Variants in SPATA7 observed in about 807,000 individuals in gnomAD.
SPATA7 encodes the protein spermatogenesis-associated protein 7.
SPATA7 carries 43 observed loss-of-function variants against 51.8 expected under a neutral mutation model. The ratio of observed to expected loss-of-function variants is 0.83; its 90% confidence interval spans 0.65 to 1.07. The LOEUF (loss-of-function observed/expected upper bound fraction) is 1.07. Ranked by LOEUF, SPATA7 falls within the 50% of genes least tolerant of loss-of-function variation. SPATA7 has a pLI of 0.00. For missense variants in SPATA7, 683 were observed against 701.3 expected (o/e 0.97, Z 0.30); for synonymous variants, 230 against 252.8 (o/e 0.91, Z 0.86).
At chr14:88,400,424 T>C (rs2076023117) in intron 4 of SPATA7, among the ~76,000 whole-genome samples, 1 of 152,086 alleles carries the variant, frequency 6.6e-6, no homozygotes, top group African/African-American at 2.4e-5. Context: ...AAAAGAAGAA[T>C]AAACTAAGCC....
At chr14:88,421,935 GAGA>G (rs2076656617) in intron 5 of SPATA7, among the ~76,000 whole-genome samples, 2 of 148,232 alleles carry the variant, frequency 1.3e-5, no homozygotes, top group African/African-American at 5.0e-5. Context: ...GCGACAGAGC[GAGA>G]CTCCATCTCA....
chr14:88,401,950 A>G (rs533987129), intron 4 of SPATA7, among the ~76,000 whole-genome samples: 4 of 152,168 alleles, frequency 2.6e-5, no homozygotes, highest in Non-Finnish European at 5.9e-5. Context: ...TAAATTCAAT[A>G]TAGTTTTAGG....
chr14:88,434,727 A>G (rs1243625730), intron 10 of SPATA7, among the ~76,000 whole-genome samples: 2 of 151,926 alleles, frequency 1.3e-5, no homozygotes, highest in Non-Finnish European at 2.9e-5. Context: ...AAAAAACAAG[A>G]TAGATACCCA....
At chr14:88,439,105 G>A (rs2077160502), downstream of SPATA7, among the ~76,000 whole-genome samples, 1 of 152,186 alleles carries the variant, frequency 6.6e-6, no homozygotes, top group African/African-American at 2.4e-5. Context: ...ATTTTCAGAG[G>A]AACATATTTT....
At chr14:88,432,412 C>T (rs1019442854) in intron 9 of SPATA7, among the ~76,000 whole-genome samples, 7 of 152,128 alleles carry the variant, frequency 4.6e-5, no homozygotes, top group African/African-American at 1.7e-4. Flanking sequence ...TTGCTACTTA[C>T]ATTTGGTATT....
intron 10 of SPATA7, among the ~76,000 whole-genome samples, chr14:88,434,080 C>T (rs774114835): frequency 1.3e-5 from 2 of 152,200 alleles, no homozygotes; most frequent in East Asian, 3.9e-4. Context: ...ACTGCTGAAT[C>T]GTGCACTTAA....
chr14:88,414,501 A>C (rs952986034), intron 4 of SPATA7, among the ~76,000 whole-genome samples: 1 of 152,098 alleles, frequency 6.6e-6, no homozygotes, highest in African/African-American at 2.4e-5. Flanking sequence ...CTTTCAAAAA[A>C]CCAACTTTTT....
downstream of SPATA7, among the ~76,000 whole-genome samples, chr14:88,459,325 T>G (rs867525613): frequency 2.0e-5 from 3 of 152,208 alleles, no homozygotes; most frequent in Non-Finnish European, 4.4e-5. Flanking sequence ...AGTGGGGTGT[T>G]AAAGTCTCCC....
At chr14:88,433,920 C>A (rs896309325) in intron 10 of SPATA7, among the ~76,000 whole-genome samples, 3 of 152,026 alleles carry the variant, frequency 2.0e-5, no homozygotes, top group African/African-American at 7.2e-5. Context: ...AAAGGCATAT[C>A]AAAAAGACCT....
intron 10 of SPATA7, among the ~76,000 whole-genome samples, chr14:88,435,177 A>G (rs541177406): frequency 2.4e-4 from 37 of 152,338 alleles, no homozygotes; most frequent in African/African-American, 8.4e-4. Flanking sequence ...AACTAGAGGT[A>G]AAATGATTAT....
At chr14:88,460,759 C>A (rs141050904) in intron 4 of SPATA7, among the ~76,000 whole-genome samples, 1 of 152,198 alleles carries the variant, frequency 6.6e-6, no homozygotes, top group African/African-American at 2.4e-5. Flanking sequence ...TAAGGAGCTG[C>A]GTTCCTTTGG....
chr14:88,392,632 G>A (rs2075774047), intron 2 of SPATA7, among the ~76,000 whole-genome samples: 1 of 152,122 alleles, frequency 6.6e-6, no homozygotes, highest in Non-Finnish European at 1.5e-5. Flanking sequence ...TGGGAAGGGA[G>A]ACTAAAGGTC....
At chr14:88,435,507 C>T (rs772307437) in intron 10 of SPATA7, among the ~76,000 whole-genome samples, 8 of 152,050 alleles carry the variant, frequency 5.3e-5, no homozygotes, top group African/African-American at 1.9e-4. Flanking sequence ...CCCTGTTGTG[C>T]TGTCAAATGG....
chr14:88,416,520 TC>T, intron 4 of SPATA7, 190 bp from the exon 5 acceptor site: 1 of 504,922 alleles, frequency 2.0e-6, no homozygotes, highest in Admixed American at 3.6e-5. Context: ...TTAGTTAATA[TC>T]TAGAGGCACA....
At chr14:88,416,624 A>C in intron 4 of SPATA7, 87 bp from the exon 5 acceptor site, 1 of 1,257,882 alleles carries the variant, frequency 7.9e-7, no homozygotes. Context: ...TTTAACAAGA[A>C]AAATGTTCCA....
intron 10 of SPATA7, among the ~76,000 whole-genome samples, chr14:88,434,375 A>G (rs1286052767): frequency 2.6e-5 from 4 of 152,084 alleles, no homozygotes; most frequent in African/African-American, 9.7e-5. Context: ...TGTTAAAGAT[A>G]TATGTCATTG....
At chr14:88,426,100 T>C (rs2076783157) in intron 5 of SPATA7, 132 bp from the exon 6 acceptor site, 2 of 684,696 alleles carry the variant, frequency 2.9e-6, no homozygotes, top group East Asian at 5.4e-5. Flanking sequence ...GATAAAATAT[T>C]AACATCTTCA....
chr14:88,442,192 T>C (rs376613412), downstream of SPATA7, among the ~76,000 whole-genome samples: 24 of 151,780 alleles, frequency 1.6e-4, 1 homozygote, highest in African/African-American at 5.6e-4. Context: ...GTTTGTTTGT[T>C]TGTTTGTTTG....
intron 1 of SPATA7, among the ~76,000 whole-genome samples, chr14:88,390,810 C>T (rs1014596734): frequency 6.6e-6 from 1 of 152,124 alleles, no homozygotes; most frequent in African/African-American, 2.4e-5. Flanking sequence ...AGGTCTTACC[C>T]TCCTTCTTTC....
Sources: allele counts gnomAD v4.1 joint callset (sites outside exome capture counted in the v4.1 genomes callset), GRCh38; gene constraint gnomAD v4.1.1; transcripts MANE v1.5; gene names NCBI Gene and HGNC (gene_info 2026-07-23, HGNC 2026-07-21).